The following CUBN variants were observed in gnomAD, a reference collection of about 807,000 sequenced individuals.
CUBN encodes 460 kDa receptor.
In CUBN, 282 loss-of-function variants were observed where a neutral mutation model predicts 405.3. The ratio of observed to expected loss-of-function variants is 0.70; its 90% confidence interval spans 0.63 to 0.77. CUBN has a LOEUF of 0.77. Ranked by LOEUF, CUBN falls within the 30% of genes least tolerant of loss-of-function variation. The pLI, the probability that CUBN is intolerant of heterozygous loss-of-function variation, is 0.00. For synonymous variants in CUBN, 1,684 were observed against 1,617.0 expected, an observed-to-expected ratio of 1.04 and a Z score of -0.99; for missense variants, 4,514 against 4,475.2, an observed-to-expected ratio of 1.01 and a Z score of -0.25.
intron 27 of CUBN, among the ~76,000 whole-genome samples, chr10:17,026,791 C>T (rs1834678169): frequency 6.6e-6 from 1 of 152,196 alleles, no homozygotes; most frequent in African/African-American, 2.4e-5. Flanking sequence ...TGGTTGATCC[C>T]AGCCGACTCC....
intron 54 of CUBN, among the ~76,000 whole-genome samples, chr10:16,893,715 G>A (rs968253614): frequency 6.6e-6 from 1 of 152,068 alleles, no homozygotes; most frequent in Non-Finnish European, 1.5e-5. Context: ...TTTTTATTCA[G>A]GAGTTACATT....
At chr10:16,868,472 G>T (rs1840251560) in intron 59 of CUBN, among the ~76,000 whole-genome samples, 1 of 152,176 alleles carries the variant, frequency 6.6e-6, no homozygotes, top group African/African-American at 2.4e-5. Context: ...TATGAGATTT[G>T]TTTGGAGAGT....
rs1165261401 is a variant in CUBN, at chr10:16,948,530, A to G, written c.5157T>C (p.Asp1719=). ...SSALTLRFVS[D]SSISAGGFHT... The stretch of plus-strand genomic sequence containing the variant: ...GGAAACCCCCAGCACTGATGCTAGA[A>G]TCAGAGACGAATCTCAGCGTCAGGG... Residue 1719 remains aspartate, a synonymous_variant, in exon 35 of 67, where the codon GAT becomes GAC. Coordinates refer to ENST00000377833, the MANE Select transcript of CUBN (RefSeq NM_001081.4). The G allele has an allele frequency of 2.5e-6, 4 of 1,614,110 alleles. No homozygotes were observed. Among genetic ancestry groups the G allele is most frequent in the Non-Finnish European group, 3.4e-6 (4 of 1,179,994 alleles).
At position 16,836,397 on chromosome 10, in the gene CUBN, G is replaced by T. The variant is rs549395583; in HGVS notation, c.10033-15C>A. On this transcript the variant is annotated splice_polypyrimidine_tract_variant and intron_variant, in intron 62 of 66. Coordinates refer to ENST00000377833, the MANE Select transcript of CUBN (RefSeq NM_001081.4). ...TTTCCGTGACCCTGAAATGAAATGGGAGCCAAATCATGTTAGATTTAGTCT... is the reference window on the plus strand; with the variant it reads ...TTTCCGTGACCCTGAAATGAAATGGTAGCCAAATCATGTTAGATTTAGTCT... The T allele has an allele frequency of 6.2e-7, 1 of 1,612,780 alleles. No homozygotes were observed.
chr10:16,832,728 A>G (rs1839045853), intron 64 of CUBN, among the ~76,000 whole-genome samples: 1 of 152,188 alleles, frequency 6.6e-6, no homozygotes, highest in Non-Finnish European at 1.5e-5. Context: ...CATCTCTGGG[A>G]CATCAGAGGA....
At chr10:17,067,291 G>A (rs113460063) in intron 21 of CUBN, among the ~76,000 whole-genome samples, 34 of 152,234 alleles carry the variant, frequency 2.2e-4, no homozygotes, top group African/African-American at 7.0e-4. Flanking sequence ...AAAAATTCAT[G>A]TGTAAAGTAG....
chr10:16,991,259 G>C (rs534863870), intron 28 of CUBN, among the ~76,000 whole-genome samples: 1 of 152,306 alleles, frequency 6.6e-6, no homozygotes, highest in African/African-American at 2.4e-5. Context: ...CTTTCCATGT[G>C]TTTTCTGTTT....
intron 62 of CUBN, among the ~76,000 whole-genome samples, chr10:16,837,290 G>C (rs1365912131): frequency 4.6e-5 from 7 of 151,924 alleles, no homozygotes; most frequent in Admixed American, 2.6e-4. Context: ...AGTTCATTGA[G>C]TGGGAAGGGT....
chr10:16,916,480 T>G (rs912720829), intron 45 of CUBN, among the ~76,000 whole-genome samples: 1 of 152,194 alleles, frequency 6.6e-6, no homozygotes, highest in African/African-American at 2.4e-5. Context: ...AGTTTTACTC[T>G]CAACTAAACA....
intron 54 of CUBN, among the ~76,000 whole-genome samples, chr10:16,893,823 G>C (rs1346565551): frequency 1.3e-5 from 2 of 152,162 alleles, no homozygotes; most frequent in Non-Finnish European, 2.9e-5. Flanking sequence ...TATTTATATA[G>C]ATTCGTAAAC....
intron 28 of CUBN, among the ~76,000 whole-genome samples, chr10:16,995,462 C>A (rs1366379757): frequency 6.6e-6 from 1 of 152,108 alleles, no homozygotes; most frequent in African/African-American, 2.4e-5. Context: ...ATATCATAAT[C>A]CTTTCACACA....
intron 56 of CUBN, among the ~76,000 whole-genome samples, chr10:16,884,258 A>G (rs1445769856): frequency 6.6e-6 from 1 of 152,238 alleles, no homozygotes. Context: ...GGGGAATTAC[A>G]GGCGTGAGCC....
intron 59 of CUBN, among the ~76,000 whole-genome samples, chr10:16,865,311 C>G (rs1344770247): frequency 6.6e-6 from 1 of 152,098 alleles, no homozygotes; most frequent in Non-Finnish European, 1.5e-5. Flanking sequence ...GTAATTCATT[C>G]TGTCCTTGTT....
At chr10:17,104,327 G>T in intron 12 of CUBN, 92 bp downstream of exon 12, 2 of 1,128,158 alleles carry the variant, frequency 1.8e-6, no homozygotes, top group Non-Finnish European at 2.7e-6. Flanking sequence ...GGACAAGAAA[G>T]TGGGTTCAGC....
At chr10:17,108,356 T>G (rs543630296) in intron 10 of CUBN, among the ~76,000 whole-genome samples, 123 of 149,622 alleles carry the variant, frequency 8.2e-4, no homozygotes, top group Non-Finnish European at 1.7e-3. Context: ...TGATAATCAT[T>G]TAATAAGCAT....
intron 37 of CUBN, among the ~76,000 whole-genome samples, chr10:16,939,627 T>C (rs1842602404): frequency 6.6e-6 from 1 of 152,214 alleles, no homozygotes; most frequent in Non-Finnish European, 1.5e-5. Flanking sequence ...TTGTTATATG[T>C]GAGCACTTAA....
chr10:17,049,122 G>C (rs565151346), intron 22 of CUBN, among the ~76,000 whole-genome samples: 8 of 152,300 alleles, frequency 5.3e-5, no homozygotes, highest in Admixed American at 5.2e-4. Flanking sequence ...GAGAGGAAGG[G>C]AATAAGACAG....
intron 27 of CUBN, among the ~76,000 whole-genome samples, chr10:17,039,104 C>G (rs1397916102): frequency 6.6e-6 from 1 of 152,170 alleles, no homozygotes; most frequent in Non-Finnish European, 1.5e-5. Flanking sequence ...CCAAAGCCTC[C>G]TTTAAAGCCC....
chr10:16,830,886 A>G (rs2603806), intron 65 of CUBN, among the ~76,000 whole-genome samples: 25,107 of 152,130 alleles, frequency 0.17, 2,471 homozygotes, highest in East Asian at 0.29. Flanking sequence ...CAGGAGTTTG[A>G]GACCAGCCTG....
Sources: gnomAD v4.1 joint callset for allele counts (sites outside exome capture counted in the v4.1 genomes callset) on GRCh38, gnomAD v4.1.1 for gene constraint, MANE v1.5 for transcripts, NCBI Gene and HGNC (gene_info 2026-07-23, HGNC 2026-07-21) for gene names.